The following SYNE2 variants were observed in gnomAD, a reference collection of about 807,000 sequenced individuals.
SYNE2 encodes the protein spectrin repeat containing nuclear envelope protein 2, also known as nesprin-2.
Under a neutral mutation model 856.3 loss-of-function variants are expected in SYNE2, and 431 were observed. The ratio of observed to expected loss-of-function variants is 0.50; its 90% CI spans 0.47 to 0.55. The LOEUF is 0.55. Ranked by LOEUF, SYNE2 falls within the 20% of genes least tolerant of loss-of-function variation. The pLI is 0.00. For missense variants in SYNE2, 8,129 were observed against 8,023.2 expected (o/e 1.01, Z -0.50); for synonymous variants, 2,923 against 2,872.3 (o/e 1.02, Z -0.56).
chr14:63,788,450 C>T (rs942982060), intron 1 of SYNE2, among the ~76,000 whole-genome samples: 1 of 152,108 alleles, frequency 6.6e-6, no homozygotes, highest in Non-Finnish European at 1.5e-5. Flanking sequence ...CCCGGGAGGG[C>T]AGGGCAGGGA....
intron 48 of SYNE2, among the ~76,000 whole-genome samples, chr14:64,054,714 C>T (rs974238725): frequency 1.3e-5 from 2 of 152,210 alleles, no homozygotes; most frequent in Non-Finnish European, 2.9e-5. Context: ...ACACTCCCTT[C>T]CCTTCCTTTT....
chr14:63,926,536 A>G (rs1020318606), intron 2 of SYNE2, among the ~76,000 whole-genome samples: 2 of 152,228 alleles, frequency 1.3e-5, no homozygotes, highest in Non-Finnish European at 2.9e-5. Flanking sequence ...AAGCACCCAC[A>G]GGCAATGCAC....
At chr14:63,862,536 A>G (rs1894019904) in intron 1 of SYNE2, among the ~76,000 whole-genome samples, 1 of 151,908 alleles carries the variant, frequency 6.6e-6, no homozygotes, top group Admixed American at 6.6e-5. Context: ...GTGCCTGGCA[A>G]AAATAAGTAT....
intron 1 of SYNE2, among the ~76,000 whole-genome samples, chr14:63,855,639 A>C (rs1033402313): frequency 6.6e-6 from 1 of 152,006 alleles, no homozygotes; most frequent in Non-Finnish European, 1.5e-5. Flanking sequence ...CTAACCTCCA[A>C]ATTTAAAATC....
At chr14:63,867,533 A>G (rs1252513066) in intron 1 of SYNE2, among the ~76,000 whole-genome samples, 5 of 151,878 alleles carry the variant, frequency 3.3e-5, no homozygotes, top group African/African-American at 1.2e-4. Context: ...CCTTGTCTCT[A>G]CTAAAAATAC....
chr14:63,860,291 G>C (rs1025961752), intron 1 of SYNE2, among the ~76,000 whole-genome samples: 1 of 150,834 alleles, frequency 6.6e-6, no homozygotes, highest in Non-Finnish European at 1.5e-5. Context: ...CTCCCCTCCA[G>C]ACAGGTTCTG....
At chr14:64,142,574 T>C (rs569030694) in intron 82 of SYNE2, among the ~76,000 whole-genome samples, 1 of 152,216 alleles carries the variant, frequency 6.6e-6, no homozygotes. Context: ...TAGGTGACTT[T>C]CCTGGATTAG....
intron 2 of SYNE2, among the ~76,000 whole-genome samples, chr14:63,919,493 T>C (rs2095571251): frequency 6.6e-6 from 1 of 152,060 alleles, no homozygotes; most frequent in Non-Finnish European, 1.5e-5. Flanking sequence ...CTAGTGTGGC[T>C]GGATTGTGGT....
intron 103 of SYNE2, among the ~76,000 whole-genome samples, chr14:64,211,755 G>A (rs917853465): frequency 7.2e-5 from 11 of 152,188 alleles, no homozygotes; most frequent in Non-Finnish European, 1.6e-4. Flanking sequence ...GAGAAGTTGA[G>A]GGGGCTTGTT....
Position 64,056,230 on chromosome 14 carries a change from A to C in SYNE2, c.10031A>C (p.Lys3344Thr). The C allele has an allele frequency of 6.2e-7, 1 of 1,614,150 alleles. No homozygotes were observed. The highest frequency in any genetic ancestry group is 1.7e-5 in the Admixed American group (1 of 60,010). The change falls in exon 49 of 116, where the codon AAG becomes ACG. Residue 3344 changes from lysine (K) to threonine (T), a missense_variant. By Grantham distance (78) the Lys-to-Thr change is moderately conservative. Coordinates refer to ENST00000555002, the MANE Select transcript of SYNE2 (RefSeq NM_182914.3). ...CTAGTTTCTAAGAACTCAGCAATGA[A>C]GGAAGCTTTCAAAGCACAGGAAACT... is the stretch of plus-strand genomic sequence containing the variant. The part of the protein sequence containing the change: ...QELVSKNSAM[K>T]EAFKAQETEA...
At chr14:63,831,768 T>C (rs770732522) in intron 1 of SYNE2, among the ~76,000 whole-genome samples, 6 of 151,908 alleles carry the variant, frequency 3.9e-5, no homozygotes, top group Non-Finnish European at 7.4e-5. Flanking sequence ...GGTTTTGAAC[T>C]CCTGACCTCA....
intron 11 of SYNE2, among the ~76,000 whole-genome samples, chr14:63,969,119 A>G (rs930180987): frequency 2.6e-5 from 4 of 151,166 alleles, no homozygotes; most frequent in Non-Finnish European, 5.9e-5. Context: ...TTCACTTGAC[A>G]TAGTGACTTC....
In SYNE2 at chr14:63,872,677, G is replaced by T. The variant is rs144676828; in HGVS notation, c.-52+19534G>T. ...CTTGGGAATCTGAGGCAGGAGAATCGCTTGAAACCGGGAGGCAGAGGCTGC... is the reference window on the plus strand; with the variant it reads ...CTTGGGAATCTGAGGCAGGAGAATCTCTTGAAACCGGGAGGCAGAGGCTGC... On this transcript the variant is annotated intron_variant, in intron 1 of 115. Transcript: ENST00000555002. Among the ~76,000 whole-genome samples, 947 of 147,110 alleles carry T rather than the reference G, an allele frequency of 6.4e-3. 14 individuals carry two copies. Among genetic ancestry groups the T allele is most frequent in the African/African-American group, 0.023 (907 of 39,750 alleles).
At chr14:63,928,899 C>T (rs1211111405) in intron 2 of SYNE2, among the ~76,000 whole-genome samples, 1 of 152,110 alleles carries the variant, frequency 6.6e-6, no homozygotes, top group Non-Finnish European at 1.5e-5. Context: ...GCAACAGGGT[C>T]TCATTAGCAC....
At chr14:63,906,446 GGTTGGTAGGTTTT>G (rs2153345340) in intron 1 of SYNE2, among the ~76,000 whole-genome samples, 1 of 152,000 alleles carries the variant, frequency 6.6e-6, no homozygotes, top group East Asian at 1.9e-4. Context: ...AGCTTTTTTT[GGTTGGTAGGTTTT>G]AAAAAAAATT....
chr14:64,195,031 C>G (rs1392894215), intron 99 of SYNE2, among the ~76,000 whole-genome samples: 1 of 152,174 alleles, frequency 6.6e-6, no homozygotes, highest in Non-Finnish European at 1.5e-5. Context: ...TCTGTAGACA[C>G]AGGTGGGGCT....
intron 36 of SYNE2, 56 bp from the exon 37 acceptor site, chr14:64,021,801 T>G: frequency 6.4e-7 from 1 of 1,570,048 alleles, no homozygotes; most frequent in Non-Finnish European, 8.8e-7. Flanking sequence ...TAATATGCTT[T>G]GTGTAATTTG....
chr14:64,224,173 C>T (rs1220514138), intron 113 of SYNE2, among the ~76,000 whole-genome samples: 6 of 106,248 alleles, frequency 5.6e-5, no homozygotes, highest in Non-Finnish European at 1.0e-4. Context: ...GGTGAAATCC[C>T]GTCTCTGCAA....
At chr14:64,137,591 G>A (rs2098104717) in intron 78 of SYNE2, among the ~76,000 whole-genome samples, 196 bp from the exon 79 acceptor site, 1 of 152,140 alleles carries the variant, frequency 6.6e-6, no homozygotes, top group Non-Finnish European at 1.5e-5. Context: ...AGAAATGCAA[G>A]ATTGGACACC....
Sources: gnomAD v4.1 joint callset for allele counts (sites outside exome capture counted in the v4.1 genomes callset) on GRCh38, gnomAD v4.1.1 for gene constraint, MANE v1.5 for transcripts, NCBI Gene and HGNC (gene_info 2026-07-23, HGNC 2026-07-21) for gene names.